The following TRIO variants were observed in gnomAD, a reference collection of about 807,000 sequenced individuals.
TRIO encodes triple functional domain protein.
In TRIO, 58 loss-of-function variants were observed where a neutral mutation model predicts 351.9. The ratio of observed to expected loss-of-function variants is 0.16; its 90% CI spans 0.13 to 0.21. The LOEUF (loss-of-function observed/expected upper bound fraction) is 0.21, where lower values mean the gene tolerates loss of function less well. Among genes scored for constraint, TRIO ranks in the 10% least tolerant of loss-of-function variants. The pLI, the probability that TRIO is intolerant of heterozygous loss-of-function variation, is 1.00. For synonymous variants in TRIO, 1,758 were observed against 1,595.7 expected, an observed-to-expected ratio of 1.10 and a Z score of -2.42; for missense variants, 3,201 against 4,027.8, an observed-to-expected ratio of 0.79 and a Z score of 5.56.
At chr5:14,465,421 C>A in intron 36 of TRIO, 124 bp from the exon 37 acceptor site, 1 of 852,796 alleles carries the variant, frequency 1.2e-6, no homozygotes, top group South Asian at 1.6e-5. Flanking sequence ...CAAAGACAAA[C>A]TTGTGGTCTT....
At position 14,510,194 on chromosome 5, in the gene TRIO, T is replaced by C. The variant is rs1757997404; in HGVS notation, c.*1772T>C. ...ATCAGTTATTTTAAAAAATTAAACA[T>C]ATTTGCCTGATTTTTGTGTTAGGCT... On this transcript the variant is annotated 3_prime_UTR_variant, in exon 57 of 57. Transcript: ENST00000344204. 2 of 152,254 alleles carry C rather than the reference T, an allele frequency of 1.3e-5. No individual in the cohort carries two copies. Among genetic ancestry groups the C allele is most frequent in the Admixed American group, 6.5e-5 (1 of 15,284 alleles). 9.4% of individuals were successfully genotyped at this position (152,254 alleles called of 1,614,324 possible).
intron 33 of TRIO, among the ~76,000 whole-genome samples, chr5:14,411,663 A>G (rs1749215751): frequency 1.3e-5 from 2 of 152,172 alleles, no homozygotes; most frequent in Admixed American, 1.3e-4. Flanking sequence ...GCTGGAGTGC[A>G]GTGGTGTGAT....
At chr5:14,204,804 C>CT (rs1163862331) in intron 1 of TRIO, among the ~76,000 whole-genome samples, 2 of 152,232 alleles carry the variant, frequency 1.3e-5, no homozygotes, top group African/African-American at 4.8e-5. Context: ...CTCTTTGACT[C>CT]TGTTTCCTCA....
At chr5:14,296,334 C>A (rs763339505) in intron 6 of TRIO, among the ~76,000 whole-genome samples, 1 of 152,132 alleles carries the variant, frequency 6.6e-6, no homozygotes. Context: ...CCACACCCTG[C>A]GATACTGAGC....
At chr5:14,265,253 G>C (rs984106994) in intron 1 of TRIO, among the ~76,000 whole-genome samples, 1 of 151,912 alleles carries the variant, frequency 6.6e-6, no homozygotes, top group Non-Finnish European at 1.5e-5. Context: ...GTTTAGAATC[G>C]CATCAGTTCA....
intron 9 of TRIO, among the ~76,000 whole-genome samples, chr5:14,329,586 G>A (rs983881037): frequency 3.3e-5 from 5 of 152,222 alleles, no homozygotes; most frequent in African/African-American, 9.6e-5. Flanking sequence ...TCAGTCTAAG[G>A]TGTTTTGTTA....
intron 1 of TRIO, among the ~76,000 whole-genome samples, chr5:14,233,679 G>A (rs954463184): frequency 5.3e-5 from 8 of 151,922 alleles, no homozygotes; most frequent in African/African-American, 1.7e-4. Context: ...ATGGGATTCC[G>A]GGCATGCACC....
intron 1 of TRIO, among the ~76,000 whole-genome samples, chr5:14,193,549 T>C (rs1790574605): frequency 6.6e-6 from 1 of 152,200 alleles, no homozygotes; most frequent in East Asian, 1.9e-4. Flanking sequence ...TTTCAAGTAA[T>C]GGAATCATTC....
Position 14,500,146 on chromosome 5 carries a change from C to T in TRIO, c.8332+1506C>T, listed in dbSNP as rs190538632. ...TACTTCTATCACACAAATTCAGCTG[C>T]ACCCCTAAAGGTCTTCAGAAGAATT... On this transcript the variant is annotated intron_variant, in intron 53 of 56. Transcript: ENST00000344204. 2.2e-4 allele frequency among the ~76,000 whole-genome samples: 33 copies of T among 152,086 alleles called. No homozygotes were observed. The East Asian group carries it at 4.3e-3, about 20-fold the overall frequency.
intron 1 of TRIO, among the ~76,000 whole-genome samples, chr5:14,265,022 G>C (rs563057834): frequency 6.6e-6 from 1 of 151,652 alleles, no homozygotes; most frequent in African/African-American, 2.4e-5. Context: ...TAAAAATACT[G>C]GCTGATTTAT....
intron 10 of TRIO, among the ~76,000 whole-genome samples, chr5:14,334,423 C>T (rs1741206709): frequency 1.3e-5 from 2 of 152,184 alleles, no homozygotes; most frequent in African/African-American, 4.8e-5. Flanking sequence ...TCAGATCATT[C>T]AGAAATGCAC....
chr5:14,285,685 G>A (rs982735834), intron 3 of TRIO, among the ~76,000 whole-genome samples: 4 of 151,984 alleles, frequency 2.6e-5, no homozygotes, highest in Non-Finnish European at 5.9e-5. Flanking sequence ...TTTTTGGGGG[G>A]ATAATTATCC....
intron 37 of TRIO, among the ~76,000 whole-genome samples, chr5:14,468,394 A>G (rs1386548419): frequency 1.3e-5 from 2 of 152,230 alleles, no homozygotes; most frequent in Non-Finnish European, 2.9e-5. Flanking sequence ...TCTTTCAGCT[A>G]CACATGGGAG....
At chr5:14,235,985 C>T (rs1368320414) in intron 1 of TRIO, among the ~76,000 whole-genome samples, 2 of 151,912 alleles carry the variant, frequency 1.3e-5, no homozygotes, top group Admixed American at 6.6e-5. Flanking sequence ...TGTACATTTT[C>T]GATGATACAT....
intron 37 of TRIO, among the ~76,000 whole-genome samples, chr5:14,470,572 C>G (rs27092): frequency 0.17 from 25,491 of 152,156 alleles, 2,161 homozygotes; most frequent in Middle Eastern, 0.27. Context: ...GAGAAGTCAC[C>G]AATATTCAAC....
rs544970837 is a variant in TRIO at position 14,492,736 on chromosome 5, C to T, written c.7802C>T (p.Ala2601Val). 1 of 1,614,174 alleles carries T rather than the reference C, an allele frequency of 6.2e-7. No individual in the cohort carries two copies. Among genetic ancestry groups the T allele is most frequent in the South Asian group, 1.1e-5 (1 of 91,082 alleles). Residue 2601 changes from alanine to valine, a missense_variant, in exon 49 of 57, where the codon GCA becomes GTA. Ala to Val is a moderately conservative substitution (Grantham distance 64, BLOSUM62 0). Coordinates refer to ENST00000344204, the MANE Select transcript of TRIO (RefSeq NM_007118.4). The part of the protein sequence containing the change: ...VFRAATDQCP[A>V]AEGWIPGFVL... ...CGAGCCGCCACTGACCAGTGCCCCGCAGCTGAGGGCTGGATTCCAGGCTTT... is the reference window on the plus strand; with the variant it reads ...CGAGCCGCCACTGACCAGTGCCCCGTAGCTGAGGGCTGGATTCCAGGCTTT...
At chr5:14,218,324 T>C (rs996914202) in intron 1 of TRIO, among the ~76,000 whole-genome samples, 1 of 152,196 alleles carries the variant, frequency 6.6e-6, no homozygotes, top group Admixed American at 6.5e-5. Context: ...AGTAATTTTC[T>C]TAGTTTTACT....
At chr5:14,337,361 A>C (rs1367800210) in intron 11 of TRIO, among the ~76,000 whole-genome samples, 1 of 152,216 alleles carries the variant, frequency 6.6e-6, no homozygotes, top group Admixed American at 6.5e-5. Context: ...CTGAGGAAAA[A>C]ATAATTTAAA....
intron 34 of TRIO, among the ~76,000 whole-genome samples, chr5:14,428,285 T>TA (rs1750814958): frequency 1.3e-5 from 2 of 152,236 alleles, no homozygotes; most frequent in Admixed American, 6.5e-5. Flanking sequence ...TTGCCACTGT[T>TA]ATCAGAAAAC....
Sources: gnomAD v4.1 joint callset for allele counts (sites outside exome capture counted in the v4.1 genomes callset) on GRCh38, gnomAD v4.1.1 for gene constraint, MANE v1.5 for transcripts, NCBI Gene and HGNC (gene_info 2026-07-23, HGNC 2026-07-21) for gene names.